IWS1: variants seen among roughly 807,000 people sequenced by gnomAD.
IWS1 encodes interacts with SUPT6H, CTD assembly factor 1.
IWS1 carries 27 observed loss-of-function variants against 86.7 expected under a neutral mutation model. The ratio of observed to expected loss-of-function variants is 0.31; its 90% CI spans 0.23 to 0.43. IWS1 has a LOEUF of 0.43. Ranked by LOEUF, IWS1 falls within the 20% of genes least tolerant of loss-of-function variation. The pLI, the probability that IWS1 is intolerant of heterozygous loss-of-function variation, is 1.00. For missense variants in IWS1, 827 were observed against 1,000.8 expected (o/e 0.83, Z 2.34); for synonymous variants, 313 against 335.1 (o/e 0.93, Z 0.72).
intron 12 of IWS1, among the ~76,000 whole-genome samples, chr2:127,487,655 A>G (rs985765531): frequency 1.3e-5 from 2 of 152,136 alleles, no homozygotes; most frequent in Non-Finnish European, 2.9e-5. Context: ...GGTTTGTGCC[A>G]TTCTCCTGCC....
rs1238788104 is a variant in IWS1, at chr2:127,489,640, TGGTTA to T, written c.2159+187_2159+191del. 8 of 559,514 alleles carry T rather than the reference TGGTTA, an allele frequency of 1.4e-5. No homozygotes were observed. Among genetic ancestry groups the T allele is most frequent in the Non-Finnish European group, 2.5e-5 (8 of 316,654 alleles). 34.7% of individuals were successfully genotyped at this position (559,514 alleles called of 1,614,324 possible). A position where few individuals can be genotyped will look rare whatever the true frequency, so the allele number is the denominator to read the frequency against. On this transcript the variant is annotated intron_variant, in intron 11 of 13. Transcript: ENST00000295321. This position sits in a 1 kb window ranked among gnomAD's most constrained non-coding sequence, Gnocchi z 4.8. ...TCCAACAAACTGACCCAGAAAGGTC[TGGTTA>T]GGAGGACAGGACCCTCACTATACAC...
intron 2 of IWS1, among the ~76,000 whole-genome samples, chr2:127,511,666 C>G (rs930897403): frequency 1.3e-5 from 2 of 152,054 alleles, no homozygotes; most frequent in Non-Finnish European, 2.9e-5. Flanking sequence ...TATCTTTTAC[C>G]TGCAGCATAA....
chr2:127,500,313 G>C (rs774029243), intron 5 of IWS1, among the ~76,000 whole-genome samples: 2 of 152,116 alleles, frequency 1.3e-5, no homozygotes, highest in East Asian at 1.9e-4. Flanking sequence ...TGGTTTTTTC[G>C]ATCTGCTTCT....
In IWS1 at chr2:127,519,251, T is replaced by G. The variant is rs534459192; in HGVS notation, c.150+4425A>C. ...AAAGATTTACAGCCCATTACATACATGTGTTACAGTAAACTCTTGTTTTCT... is the reference window on the plus strand; with the variant it reads ...AAAGATTTACAGCCCATTACATACAGGTGTTACAGTAAACTCTTGTTTTCT... On this transcript the variant is annotated intron_variant, in intron 2 of 13. Transcript: ENST00000295321. Among the ~76,000 whole-genome samples the G allele has an allele frequency of 3.9e-5, 6 of 152,348 alleles. No homozygotes were observed. The East Asian group carries it at 1.2e-3, about 29-fold the overall frequency.
chr2:127,483,571 C>T (rs1454089492), intron 13 of IWS1, among the ~76,000 whole-genome samples: 2 of 20,188 alleles, frequency 9.9e-5, no homozygotes, highest in African/African-American at 2.5e-4. Context: ...ATAATTTGGT[C>T]GGGGCGGGGG....
chr2:127,495,858 T>C (rs1421218482), intron 7 of IWS1, 140 bp downstream of exon 7: 1 of 743,446 alleles, frequency 1.3e-6, no homozygotes, highest in Non-Finnish European at 2.0e-6. Context: ...ATTTCCATGA[T>C]TAAAATTGAG....
chr2:127,511,242 A>G (rs1315160261), intron 2 of IWS1: 1 of 152,328 alleles, frequency 6.6e-6, no homozygotes, highest in Non-Finnish European at 1.5e-5. Flanking sequence ...GAAAGACCTG[A>G]GGTCCAAGCC....
intron 5 of IWS1, among the ~76,000 whole-genome samples, chr2:127,498,471 T>C (rs1043616269): frequency 2.6e-5 from 4 of 152,192 alleles, no homozygotes; most frequent in African/African-American, 7.2e-5. Context: ...TCCTCTCTTA[T>C]TACACAAACT....
intron 2 of IWS1, among the ~76,000 whole-genome samples, chr2:127,509,924 T>C (rs183157786): frequency 6.6e-6 from 1 of 152,182 alleles, no homozygotes; most frequent in Non-Finnish European, 1.5e-5. Flanking sequence ...AAAACTGCTA[T>C]AAATCAAATA....
In IWS1 at chr2:127,504,699, C is replaced by A; in HGVS notation, c.1204G>T (p.Asp402Tyr). 1 of 1,602,088 alleles carries A rather than the reference C, an allele frequency of 6.2e-7. No homozygotes were observed. Among genetic ancestry groups the A allele is most frequent in the Non-Finnish European group, 8.5e-7 (1 of 1,174,760 alleles). Residue 402 changes from aspartate (D) to tyrosine (Y), a missense_variant, in exon 3 of 14, where the codon GAT (aspartate) becomes TAT (tyrosine). Physicochemically the swap from Asp to Tyr is radical, Grantham distance 160. Around this residue, in one of 2 missense-constraint regions of IWS1, gnomAD observed 548 missense variants for 560.2 expected, o/e 0.98. Coordinates refer to ENST00000295321, the MANE Select transcript of IWS1 (RefSeq NM_017969.3). ...RKAAVLSDSEDEEKASAKKSR... is the reference protein window; with the variant it reads ...RKAAVLSDSEYEEKASAKKSR... Reference sequence around the variant, plus strand: ...AACTCCTTACATGCTTTCTCTTCATCTTCACTATCAGAAAGCACAGCAGCT... The same window carrying A: ...AACTCCTTACATGCTTTCTCTTCATATTCACTATCAGAAAGCACAGCAGCT...
chr2:127,524,083 T>C (rs1377660429), intron 1 of IWS1, among the ~76,000 whole-genome samples: 2 of 152,204 alleles, frequency 1.3e-5, no homozygotes, highest in African/African-American at 4.8e-5. Context: ...ATGTTAAAAT[T>C]GGGTCTTTCT....
In IWS1 at chr2:127,503,514, T is replaced by C. The variant is rs368180018; in HGVS notation, c.1282A>G (p.Lys428Glu). 2.5e-6 allele frequency: 4 copies of C among 1,613,706 alleles called. No homozygotes were observed. The highest frequency in any genetic ancestry group is 3.4e-6 in the Non-Finnish European group (4 of 1,179,838). ...DDSDSDAVSD[K>E]SGKREKTIAS... ...ATGGTCTTCTCTCTTTTGCCTGACT[T>C]GTCTGATACAGCATCACTGTCAGAG... Residue 428 changes from lysine (K) to glutamate (E), a missense_variant, in exon 4 of 14, where the codon AAG becomes GAG. Coordinates refer to ENST00000295321, the MANE Select transcript of IWS1 (RefSeq NM_017969.3).
Position 127,491,981 on chromosome 2 carries a change from C to T in IWS1, c.2037G>A (p.Gly679=). Reference sequence around the variant, plus strand: ...GGAAAATTTACATACTGATTAATTTCCCTGCCATGTCCTTGTTAGACCTTG... The same window carrying T: ...GGAAAATTTACATACTGATTAATTTTCCTGCCATGTCCTTGTTAGACCTTG... ...KESRSNKDMA[G]KLINEWSRPI... is the part of the protein sequence containing the mutation. The change falls in exon 10 of 14, where the codon GGG becomes GGA. Residue 679 remains glycine, a synonymous_variant. Transcript: ENST00000295321. 6.2e-7 allele frequency: 1 copy of T among 1,602,912 alleles called. No homozygotes were observed. The highest frequency in any genetic ancestry group is 8.5e-7 in the Non-Finnish European group (1 of 1,169,890).
intron 2 of IWS1, among the ~76,000 whole-genome samples, chr2:127,514,022 A>C (rs1691620776): frequency 1.3e-5 from 2 of 152,240 alleles, no homozygotes; most frequent in Admixed American, 1.3e-4. Flanking sequence ...GACCGGAATG[A>C]GAACCTTTAT....
At chr2:127,498,037 CTAAACT>C in intron 6 of IWS1, 97 bp downstream of exon 6, 1 of 884,838 alleles carries the variant, frequency 1.1e-6, no homozygotes, top group South Asian at 1.7e-5. Flanking sequence ...AGACCCACTC[CTAAACT>C]TAATCAGGAA....
chr2:127,486,705 A>G (rs748463658), intron 12 of IWS1, 41 bp from the exon 13 acceptor site: 14 of 1,481,138 alleles, frequency 9.5e-6, no homozygotes, highest in African/African-American at 1.4e-5. Flanking sequence ...TTATGTGGCC[A>G]GCCACAGTGG....
chr2:127,511,863 C>T (rs971495131), intron 2 of IWS1, among the ~76,000 whole-genome samples: 1 of 152,214 alleles, frequency 6.6e-6, no homozygotes, highest in African/African-American at 2.4e-5. Flanking sequence ...ATGGCCAAGA[C>T]AAATCTTCTA....
chr2:127,486,310 T>A (rs557603647), intron 13 of IWS1: 1 of 340,930 alleles, frequency 2.9e-6, no homozygotes, highest in South Asian at 4.0e-5. Flanking sequence ...AGAAGAAACT[T>A]CCCTACCTGA....
intron 9 of IWS1, among the ~76,000 whole-genome samples, chr2:127,492,299 C>G (rs1690269878): frequency 6.6e-6 from 1 of 152,122 alleles, no homozygotes; most frequent in Admixed American, 6.5e-5. Flanking sequence ...AATCCCAGCA[C>G]TTTGGGAGGC....
Sources: gnomAD v4.1 joint callset for allele counts (sites outside exome capture counted in the v4.1 genomes callset) on GRCh38, gnomAD v4.1.1 for gene constraint, gnomAD v4.1.1 regional missense constraint, Gnocchi (gnomAD v3.1) non-coding constraint, MANE v1.5 for transcripts, NCBI Gene and HGNC (gene_info 2026-07-23, HGNC 2026-07-21) for gene names.